MYPN: variants seen among roughly 807,000 people sequenced by gnomAD.
MYPN encodes sarcomeric protein myopalladin, 145 kDa (MYOP).
A neutral mutation model predicts 129.4 loss-of-function variants in MYPN; 63 were observed. The ratio of observed to expected loss-of-function variants is 0.49; its 90% confidence interval spans 0.40 to 0.60. MYPN has a LOEUF of 0.60. Among genes scored for constraint, MYPN ranks in the 20% least tolerant of loss-of-function variants. The pLI, the probability that MYPN is intolerant of heterozygous loss-of-function variation, is 0.00. For synonymous variants in MYPN, 629 were observed against 600.9 expected (o/e 1.05, Z -0.68); for missense variants, 1,596 against 1,635.4 (o/e 0.98, Z 0.42).
intron 2 of MYPN, among the ~76,000 whole-genome samples, chr10:68,141,073 A>AC (rs545817157): frequency 1.7e-3 from 262 of 150,770 alleles, no homozygotes; most frequent in Non-Finnish European, 3.2e-3. Flanking sequence ...TTCCTCCACC[A>AC]CCCCCCCAAA....
chr10:68,206,470 C>A (rs1242372684), intron 18 of MYPN, among the ~76,000 whole-genome samples: 6 of 152,136 alleles, frequency 3.9e-5, no homozygotes, highest in Admixed American at 6.6e-5. Flanking sequence ...AATGTCCAAC[C>A]TTGTTTGGAA....
At chr10:68,096,435 G>T (rs536342449) in intron 1 of MYPN, among the ~76,000 whole-genome samples, 1 of 152,088 alleles carries the variant, frequency 6.6e-6, no homozygotes, top group Non-Finnish European at 1.5e-5. Flanking sequence ...GGTGGCAGCC[G>T]CCTGTAGTCC....
At chr10:68,151,749 A>C (rs2042775019) in intron 6 of MYPN, among the ~76,000 whole-genome samples, 1 of 152,210 alleles carries the variant, frequency 6.6e-6, no homozygotes, top group Non-Finnish European at 1.5e-5. Context: ...CCATCTGCCT[A>C]GACAGACAGG....
intron 4 of MYPN, 66 bp downstream of exon 4, chr10:68,145,592 A>G (rs922305173): frequency 2.9e-6 from 4 of 1,356,084 alleles, no homozygotes; most frequent in African/African-American, 2.9e-5. Context: ...AAAGAGAATG[A>G]TTAATTGGTT....
chr10:68,139,617 C>T (rs2042542778), intron 2 of MYPN, among the ~76,000 whole-genome samples: 1 of 152,182 alleles, frequency 6.6e-6, no homozygotes, highest in Non-Finnish European at 1.5e-5. Flanking sequence ...TGTACAAGCT[C>T]CTTGTGGTCT....
In MYPN at chr10:68,199,693, C is replaced by T. The variant is rs71534279; in HGVS notation, c.3493+118C>T. 4.0e-3 allele frequency: 4,017 copies of T among 1,010,754 alleles called. 33 individuals carry two copies. The highest frequency in any genetic ancestry group is 0.028 in the Middle Eastern group (131 of 4,708). 62.6% of individuals were successfully genotyped at this position (1,010,754 alleles called of 1,614,324 possible). Reference sequence around the variant, plus strand: ...CCCTACTAACTCCAATCTCAATTTCCCCTTCACTGTGGTAGGGGTGGTATT... The same window carrying T: ...CCCTACTAACTCCAATCTCAATTTCTCCTTCACTGTGGTAGGGGTGGTATT... On this transcript the variant is annotated intron_variant, in intron 17 of 19. Transcript: ENST00000358913.
intron 4 of MYPN, among the ~76,000 whole-genome samples, chr10:68,148,064 T>C (rs1297411032): frequency 6.6e-6 from 1 of 152,208 alleles, no homozygotes; most frequent in African/African-American, 2.4e-5. Flanking sequence ...CATGCTTCCA[T>C]CACTGCATTT....
chr10:68,125,517 T>G (rs138663603), intron 2 of MYPN, among the ~76,000 whole-genome samples: 11 of 152,338 alleles, frequency 7.2e-5, no homozygotes, highest in African/African-American at 2.6e-4. Context: ...TATGTATTTA[T>G]TTAGTTAGTT....
intron 13 of MYPN, among the ~76,000 whole-genome samples, chr10:68,191,516 C>A (rs577363307): frequency 6.6e-6 from 1 of 152,268 alleles, no homozygotes; most frequent in Non-Finnish European, 1.5e-5. Flanking sequence ...CCACACCCAG[C>A]CTGTTTTTTC....
intron 12 of MYPN, among the ~76,000 whole-genome samples, chr10:68,182,340 C>T (rs142912965): frequency 0.25 from 6,790 of 27,642 alleles, 624 homozygotes; most frequent in Non-Finnish European, 0.35. Context: ...ATAACACACA[C>T]ATATATAACA....
chr10:68,176,782 G>A (rs1303663667), intron 12 of MYPN, among the ~76,000 whole-genome samples: 1 of 152,154 alleles, frequency 6.6e-6, no homozygotes, highest in Admixed American at 6.6e-5. Context: ...AGAAACTAAG[G>A]CACAGGCTCA....
In MYPN at chr10:68,195,530, C is replaced by T. The variant is rs876657923; in HGVS notation, c.3156C>T (p.His1052=). 4 of 1,613,460 alleles carry T rather than the reference C, an allele frequency of 2.5e-6. No homozygotes were observed. In the Admixed American group the frequency reaches 5.0e-5, roughly 20 times the overall value. Residue 1052 remains histidine (H), a splice_region_variant and synonymous_variant, in exon 15 of 20, where the codon CAC becomes CAT. Coordinates refer to ENST00000358913, the MANE Select transcript of MYPN (RefSeq NM_032578.4). ...GGCTAACCTCTGCTGGTCAGTCTCA[C>T]AGGTAAAGACAGTAAGAATTCCCCC... ...RSRLTSAGQS[H]RGRSRVQERD...
At chr10:68,141,134 G>A (rs540758473) in intron 2 of MYPN, among the ~76,000 whole-genome samples, 2 of 152,340 alleles carry the variant, frequency 1.3e-5, no homozygotes, top group South Asian at 4.1e-4. Context: ...ACTCTGGGAG[G>A]ACAAGGCGGG....
At chr10:68,130,385 G>A (rs1363521604) in intron 2 of MYPN, among the ~76,000 whole-genome samples, 6 of 151,572 alleles carry the variant, frequency 4.0e-5, no homozygotes, top group Middle Eastern at 6.8e-3. Context: ...GCTTGAACCC[G>A]GGAGATGGAG....
rs766816415 is a variant in MYPN at position 68,211,108 on chromosome 10, T to C, written c.*653T>C. 1 of 454,148 alleles carries C rather than the reference T, an allele frequency of 2.2e-6. No homozygotes were observed. The highest frequency in any genetic ancestry group is 6.9e-4 in the Middle Eastern group (1 of 1,444). 28.1% of individuals were successfully genotyped at this position (454,148 alleles called of 1,614,324 possible). A position where few individuals can be genotyped will look rare whatever the true frequency, so the allele number is the denominator to read the frequency against. ...AAACACTTGATATTGCACAGTGCACTTATTTTGTGGCCAAAGCATGGCCTT... is the reference window on the plus strand; with the variant it reads ...AAACACTTGATATTGCACAGTGCACCTATTTTGTGGCCAAAGCATGGCCTT... On this transcript the variant is annotated 3_prime_UTR_variant, in exon 20 of 20. Transcript: ENST00000358913.
intron 2 of MYPN, among the ~76,000 whole-genome samples, chr10:68,137,438 A>G (rs141429850): frequency 2.0e-5 from 3 of 152,326 alleles, no homozygotes; most frequent in South Asian, 2.1e-4. Context: ...TTTCTGAAAG[A>G]TTTGTTGCAA....
chr10:68,201,438 G>T lies in MYPN; in HGVS notation c.3494-391G>T, dbSNP rs941071629. On this transcript the variant is annotated intron_variant, in intron 17 of 19. Coordinates refer to ENST00000358913, the MANE Select transcript of MYPN (RefSeq NM_032578.4). ...ATTCCAGAACTGTGGTGACTGTGAG[G>T]CATGAACCTCAAAGTACTTACTATT... Among the ~76,000 whole-genome samples, 8 of 152,178 alleles carry T rather than the reference G, an allele frequency of 5.3e-5. 1 individual carries two copies. Among genetic ancestry groups the T allele is most frequent in the Admixed American group, 5.2e-4 (8 of 15,278 alleles).
rs2134364693 is a variant in MYPN at position 68,211,826 on chromosome 10, G to A, written c.*1371G>A. ...ATCACAGCACAGTTTGCTCTAGGCTGTGCAGGGAAATGAATTGCAGGTGTC... is the reference window on the plus strand; with the variant it reads ...ATCACAGCACAGTTTGCTCTAGGCTATGCAGGGAAATGAATTGCAGGTGTC... On this transcript the variant is annotated 3_prime_UTR_variant, in exon 20 of 20. Transcript: ENST00000358913. 1 of 454,036 alleles carries A rather than the reference G, an allele frequency of 2.2e-6. No individual in the cohort carries two copies. The highest frequency in any genetic ancestry group is 2.3e-5 in the Admixed American group (1 of 42,558). 28.1% of individuals were successfully genotyped at this position (454,036 alleles called of 1,614,324 possible).
chr10:68,173,829 AT>A (rs2043180521), intron 10 of MYPN, among the ~76,000 whole-genome samples: 1 of 111,216 alleles, frequency 9.0e-6, no homozygotes, highest in Non-Finnish European at 1.9e-5. Flanking sequence ...ATATGTATAT[AT>A]AATTTTTTTT....
Sources: gnomAD v4.1 joint callset for allele counts (sites outside exome capture counted in the v4.1 genomes callset) on GRCh38, gnomAD v4.1.1 for gene constraint, MANE v1.5 for transcripts, NCBI Gene and HGNC (gene_info 2026-07-23, HGNC 2026-07-21) for gene names.